GATAD2B: variants seen among roughly 807,000 people sequenced by gnomAD.
GATAD2B encodes the protein GATA zinc finger domain containing 2B.
A neutral mutation model predicts 64.3 loss-of-function variants in GATAD2B; 8 were observed. That is an observed-to-expected ratio of 0.12 (90% confidence interval 0.07 to 0.22). The LOEUF is 0.22. Among genes scored for constraint, GATAD2B ranks in the 10% least tolerant of loss-of-function variants. The probability of loss-of-function intolerance (pLI) is 1.00; values close to 1 mark genes in which losing one functional copy is unlikely to be tolerated. For missense variants in GATAD2B, 453 were observed against 752.0 expected (o/e 0.60, Z 4.65); for synonymous variants, 281 against 271.3 (o/e 1.04, Z -0.35).
chr1:153,845,406 T>A (rs1037488619), intron 1 of GATAD2B, among the ~76,000 whole-genome samples: 15 of 142,028 alleles, frequency 1.1e-4, no homozygotes, highest in African/African-American at 3.9e-4. Flanking sequence ...AAAAAAAAAA[T>A]TCCAGCCTAT....
chr1:153,837,346 A>C (rs550037179), intron 1 of GATAD2B, among the ~76,000 whole-genome samples: 1 of 141,596 alleles, frequency 7.1e-6, no homozygotes, highest in East Asian at 2.0e-4. Context: ...CAACAACAAA[A>C]ACAAACAAAA....
chr1:153,852,799 T>G, intron 1 of GATAD2B: 1 of 911,922 alleles, frequency 1.1e-6, no homozygotes, highest in Non-Finnish European at 1.8e-6. Context: ...CTGAACCATA[T>G]CATATCCTTC....
At chr1:153,847,738 CTATGAGA>C (rs932753377) in intron 1 of GATAD2B, among the ~76,000 whole-genome samples, 2 of 152,152 alleles carry the variant, frequency 1.3e-5, no homozygotes, top group African/African-American at 2.4e-5. Context: ...CCTAGAACTC[CTATGAGA>C]TATATCTTGG....
At chr1:153,902,721 G>T (rs1557830484) in intron 1 of GATAD2B, among the ~76,000 whole-genome samples, 2 of 152,072 alleles carry the variant, frequency 1.3e-5, no homozygotes, top group South Asian at 4.1e-4. Context: ...CTCCCAAAGT[G>T]TTAGGATTAC....
intron 1 of GATAD2B, among the ~76,000 whole-genome samples, chr1:153,901,732 G>C (rs994080933): frequency 6.6e-6 from 1 of 151,080 alleles, no homozygotes; most frequent in South Asian, 2.1e-4. Flanking sequence ...ACTGAGGCAG[G>C]AGAATCACTT....
At chr1:153,895,440 C>T (rs1203630974) in intron 1 of GATAD2B, among the ~76,000 whole-genome samples, 1 of 150,512 alleles carries the variant, frequency 6.6e-6, no homozygotes, top group African/African-American at 2.4e-5. Flanking sequence ...ACCAACCAGT[C>T]GTGGTGGCAC....
At chr1:153,895,119 T>C (rs1570996691) in intron 1 of GATAD2B, among the ~76,000 whole-genome samples, 1 of 149,946 alleles carries the variant, frequency 6.7e-6, no homozygotes, top group African/African-American at 2.5e-5. Flanking sequence ...GATCACATCA[T>C]TGCACTCCAG....
chr1:153,814,555 T>C (rs1036642512), intron 7 of GATAD2B, among the ~76,000 whole-genome samples: 1 of 152,122 alleles, frequency 6.6e-6, no homozygotes, highest in African/African-American at 2.4e-5. Flanking sequence ...GGCAGATCAC[T>C]TGAGGCCAGG....
intron 1 of GATAD2B, among the ~76,000 whole-genome samples, chr1:153,870,013 C>T (rs1421721395): frequency 6.6e-6 from 1 of 152,068 alleles, no homozygotes; most frequent in African/African-American, 2.4e-5. Flanking sequence ...GGCACAATCT[C>T]GGCTCACTGC....
At chr1:153,915,683 C>T (rs569733041) in intron 1 of GATAD2B, among the ~76,000 whole-genome samples, 3 of 146,116 alleles carry the variant, frequency 2.1e-5, no homozygotes, top group Admixed American at 6.8e-5. Context: ...TGCAGTGAGC[C>T]GAGATCGTGC....
intron 2 of GATAD2B, among the ~76,000 whole-genome samples, chr1:153,823,539 G>A (rs913800718): frequency 6.6e-6 from 1 of 152,052 alleles, no homozygotes; most frequent in African/African-American, 2.4e-5. Flanking sequence ...TGGTAGAGAT[G>A]AGGTACCACT....
At chr1:153,891,900 A>G (rs1223219050) in intron 1 of GATAD2B, among the ~76,000 whole-genome samples, 2 of 152,050 alleles carry the variant, frequency 1.3e-5, no homozygotes, top group East Asian at 3.9e-4. Flanking sequence ...GCAGTGGCTC[A>G]TGCCTGTAAT....
intron 1 of GATAD2B, among the ~76,000 whole-genome samples, chr1:153,880,078 T>C (rs1165657827): frequency 6.6e-6 from 1 of 152,096 alleles, no homozygotes; most frequent in African/African-American, 2.4e-5. Context: ...AGTTAATAGA[T>C]ATTACTTGCT....
chr1:153,846,790 A>C (rs1570954299), intron 1 of GATAD2B, among the ~76,000 whole-genome samples: 1 of 149,194 alleles, frequency 6.7e-6, no homozygotes. Context: ...CGAACTTCTG[A>C]CCTCGTGATC....
intron 1 of GATAD2B, among the ~76,000 whole-genome samples, chr1:153,846,557 C>CTTTTTTTT (rs887230575): frequency 1.8e-5 from 2 of 113,856 alleles, no homozygotes; most frequent in African/African-American, 7.2e-5. Flanking sequence ...TCTTTGCGTT[C>CTTTTTTTT]TTTTTTTTTT....
intron 1 of GATAD2B, among the ~76,000 whole-genome samples, chr1:153,865,393 G>A (rs975994139): frequency 1.3e-5 from 2 of 152,006 alleles, no homozygotes; most frequent in Non-Finnish European, 2.9e-5. Context: ...CATGGGAGGC[G>A]GAGGTTGCAG....
At chr1:153,847,738 CTA>C (rs1430379984) in intron 1 of GATAD2B, among the ~76,000 whole-genome samples, 1 of 152,152 alleles carries the variant, frequency 6.6e-6, no homozygotes, top group African/African-American at 2.4e-5. Context: ...CCTAGAACTC[CTA>C]TGAGATATAT....
At position 153,809,480 on chromosome 1, in the gene GATAD2B, T is replaced by TA. The variant is rs921890134; in HGVS notation, c.*696dup. 1 of 152,586 alleles carries TA rather than the reference T, an allele frequency of 6.6e-6. No individual in the cohort carries two copies. Among genetic ancestry groups the TA allele is most frequent in the African/African-American group, 2.4e-5 (1 of 41,410 alleles). 9.5% of individuals were successfully genotyped at this position (152,586 alleles called of 1,614,324 possible). A position where few individuals can be genotyped will look rare whatever the true frequency, so the allele number is the denominator to read the frequency against. On this transcript the variant is annotated 3_prime_UTR_variant, in exon 11 of 11. Coordinates refer to ENST00000368655, the MANE Select transcript of GATAD2B (RefSeq NM_020699.4). ...TCCCCAGGCTCTTTCCCCTCATTCT[T>TA]AGAGCCCAACTTCAGTACCAAACAC...
chr1:153,871,836 A>C (rs887585479), intron 1 of GATAD2B, among the ~76,000 whole-genome samples: 16 of 152,110 alleles, frequency 1.1e-4, no homozygotes, highest in Admixed American at 9.8e-4. Context: ...TGTAGTCCCA[A>C]CTACTTGGGG....
Sources: gnomAD v4.1 joint callset for allele counts (sites outside exome capture counted in the v4.1 genomes callset) on GRCh38, gnomAD v4.1.1 for gene constraint, MANE v1.5 for transcripts, NCBI Gene and HGNC (gene_info 2026-07-23, HGNC 2026-07-21) for gene names.